The following TRIM36 variants were observed in gnomAD, a reference collection of about 807,000 sequenced individuals.
The protein encoded by TRIM36 is E3 ubiquitin-protein ligase TRIM36.
TRIM36 carries 42 observed loss-of-function variants against 72.4 expected under a neutral mutation model. That is an observed-to-expected ratio of 0.58 (90% CI 0.45 to 0.75). The LOEUF is 0.75. Among genes scored for constraint, TRIM36 ranks in the 30% least tolerant of loss-of-function variants. The pLI, the probability that TRIM36 is intolerant of heterozygous loss-of-function variation, is 0.00. For synonymous variants in TRIM36, 315 were observed against 282.8 expected, an observed-to-expected ratio of 1.11 and a Z score of -1.14; for missense variants, 913 against 857.1, an observed-to-expected ratio of 1.07 and a Z score of -0.81.
intron 2 of TRIM36, among the ~76,000 whole-genome samples, chr5:115,156,630 C>T (rs1268689380): frequency 1.3e-5 from 2 of 152,192 alleles, no homozygotes; most frequent in Non-Finnish European, 2.9e-5. Flanking sequence ...GAGAATGAAA[C>T]TGGATCGTCA....
chr5:115,130,468 G>T, intron 9 of TRIM36, 124 bp downstream of exon 9: 1 of 1,122,084 alleles, frequency 8.9e-7, no homozygotes, highest in Non-Finnish European at 1.2e-6. Flanking sequence ...TCTCAATCAA[G>T]CCACAGCCAA....
chr5:115,149,406 A>C (rs1753766022), intron 2 of TRIM36: 3 of 151,452 alleles, frequency 2.0e-5, no homozygotes, highest in Non-Finnish European at 4.4e-5. Flanking sequence ...AATTTAGATA[A>C]ATAGAAAACT....
At chr5:115,165,287 G>A (rs564031885) in intron 1 of TRIM36, among the ~76,000 whole-genome samples, 20 of 152,270 alleles carry the variant, frequency 1.3e-4, no homozygotes, top group African/African-American at 1.9e-4. Flanking sequence ...TCTGTGTGGC[G>A]GCTTATATCT....
intron 7 of TRIM36, among the ~76,000 whole-genome samples, chr5:115,135,212 G>T (rs1319071423): frequency 6.6e-6 from 1 of 151,942 alleles, no homozygotes; most frequent in Non-Finnish European, 1.5e-5. Context: ...AGAACAATAC[G>T]CTATAAAAGC....
Position 115,137,303 on chromosome 5 carries a change from C to T in TRIM36, c.1085+60G>A. ...ACCAATCAGAGCTAAAGTGAGAATACACAGCAGCATTTAATAACATTGCTC... is the reference window on the plus strand; with the variant it reads ...ACCAATCAGAGCTAAAGTGAGAATATACAGCAGCATTTAATAACATTGCTC... On this transcript the variant is annotated intron_variant, in intron 6 of 9. Coordinates refer to ENST00000513154, the MANE Select transcript of TRIM36 (RefSeq NM_001300759.2). 8 of 1,548,066 alleles carry T rather than the reference C, an allele frequency of 5.2e-6. No individual in the cohort carries two copies. In the South Asian group the frequency reaches 6.4e-5, roughly 12 times the overall value.
chr5:115,173,578 G>GAAGA (rs1361307092), upstream of TRIM36, among the ~76,000 whole-genome samples: 2 of 152,092 alleles, frequency 1.3e-5, no homozygotes, highest in Admixed American at 6.6e-5. Flanking sequence ...AGGAGTTAGA[G>GAAGA]GGTGGTAAAC....
upstream of TRIM36, among the ~76,000 whole-genome samples, chr5:115,170,899 G>A (rs978942757): frequency 2.6e-5 from 4 of 152,368 alleles, no homozygotes; most frequent in African/African-American, 9.6e-5. Flanking sequence ...AGGACTGGCG[G>A]CGCACATTTC....
At chr5:115,128,619 G>A (rs1305679963) in intron 9 of TRIM36, among the ~76,000 whole-genome samples, 1 of 148,306 alleles carries the variant, frequency 6.7e-6, no homozygotes, top group East Asian at 2.0e-4. Flanking sequence ...GGGCGCGGTG[G>A]CGGGCGCCTG....
intron 8 of TRIM36, among the ~76,000 whole-genome samples, chr5:115,131,478 T>C (rs576508231): frequency 1.7e-4 from 26 of 152,212 alleles, no homozygotes; most frequent in Non-Finnish European, 3.4e-4. Context: ...TTTATTCATC[T>C]GCAGAATGAT....
rs1754992438 is a variant in TRIM36, at chr5:115,169,711, T to C, written c.-77A>G. On this transcript the variant is annotated 5_prime_UTR_variant, in exon 1 of 10. Coordinates refer to ENST00000513154, the MANE Select transcript of TRIM36 (RefSeq NM_001300759.2). ...CCGAGCGCAGGGTCTGGTGGGCGGG[T>C]CCCTGCGGCGGCCGTGGAGCCTCGG... The C allele has an allele frequency of 6.7e-7, 1 of 1,490,848 alleles. No homozygotes were observed. Among genetic ancestry groups the C allele is most frequent in the Non-Finnish European group, 8.9e-7 (1 of 1,118,862 alleles). The allele number at this position is 1,490,848 out of a possible 1,614,324, so 92.4% of individuals were successfully genotyped here.
intron 3 of TRIM36, among the ~76,000 whole-genome samples, chr5:115,146,522 A>C (rs1753602110): frequency 6.6e-6 from 1 of 152,216 alleles, no homozygotes; most frequent in Admixed American, 6.5e-5. Flanking sequence ...AGCAATATTA[A>C]AGAAATTACT....
intron 2 of TRIM36, among the ~76,000 whole-genome samples, chr5:115,151,285 G>C (rs554401782): frequency 1.3e-5 from 2 of 152,284 alleles, no homozygotes; most frequent in South Asian, 4.1e-4. Context: ...CAACCTGCAT[G>C]ACACAGCAGA....
chr5:115,170,058 T>C, upstream of TRIM36: 2 of 838,560 alleles, frequency 2.4e-6, no homozygotes, highest in East Asian at 1.0e-4. Flanking sequence ...AGTGGTAGGC[T>C]GAGCGGGACT....
At chr5:115,177,940 T>C (rs1468148905) in intron 1 of TRIM36, 1 of 1,562,220 alleles carries the variant, frequency 6.4e-7, no homozygotes, top group Non-Finnish European at 8.8e-7. Flanking sequence ...AAAGTTAGTT[T>C]GTGTTTTTTC....
intron 2 of TRIM36, among the ~76,000 whole-genome samples, chr5:115,150,584 T>C (rs1439828773): frequency 6.6e-6 from 1 of 152,174 alleles, no homozygotes; most frequent in Non-Finnish European, 1.5e-5. Flanking sequence ...CAGAGCAGCA[T>C]GTGGATGCTA....
chr5:115,144,593 C>A lies in TRIM36; in HGVS notation c.735+5G>T. 6.2e-7 allele frequency: 1 copy of A among 1,612,164 alleles called. No individual in the cohort carries two copies. On this transcript the variant is annotated splice_donor_5th_base_variant and intron_variant, in intron 4 of 9. Transcript: ENST00000513154. ...TCAAAATTCTGTTCCAAAAATAAGT[C>A]CTACCTTTAAGGTTTTGTAGGCACT...
rs1561432584 is a variant in TRIM36, at chr5:115,147,349, C to A, written c.308G>T (p.Cys103Phe). The A allele has an allele frequency of 1.2e-6, 2 of 1,613,698 alleles. No homozygotes were observed. The highest frequency in any genetic ancestry group is 1.3e-5 in the African/African-American group (1 of 74,914). Residue 103 changes from cysteine to phenylalanine, a missense_variant, in exon 3 of 10, where the codon TGC (cysteine) becomes TTC (phenylalanine). Transcript: ENST00000513154. ...ATCCACATCATGCTCACAGCCAGGG[C>A]AAGGGAAAACAGTTGTCCTCGGGGT... ...SLTPRTTVFP[C>F]PGCEHDVDLG... is the part of the protein sequence containing the mutation.
chr5:115,172,394 C>T (rs1161186010), upstream of TRIM36, among the ~76,000 whole-genome samples: 2 of 152,084 alleles, frequency 1.3e-5, no homozygotes, highest in Non-Finnish European at 2.9e-5. Flanking sequence ...TACATTCATA[C>T]CATGGAATAC....
At chr5:115,177,637 G>C in intron 1 of TRIM36, 1 of 1,562,140 alleles carries the variant, frequency 6.4e-7, no homozygotes, top group Non-Finnish European at 8.7e-7. Flanking sequence ...GGGCGGGGCA[G>C]GATTTGAGCC....
Sources: gnomAD v4.1 joint callset for allele counts (sites outside exome capture counted in the v4.1 genomes callset) on GRCh38, gnomAD v4.1.1 for gene constraint, MANE v1.5 for transcripts, NCBI Gene and HGNC (gene_info 2026-07-23, HGNC 2026-07-21) for gene names.